TBC1D5: variants seen among roughly 807,000 people sequenced by gnomAD.
TBC1D5 encodes TBC1 domain family, member 5.
A neutral mutation model predicts 100.3 loss-of-function variants in TBC1D5; 75 were observed. The observed-to-expected ratio is 0.75, with a 90% confidence interval of 0.62 to 0.91. TBC1D5 has a LOEUF of 0.91. Among genes scored for constraint, TBC1D5 ranks in the 40% least tolerant of loss-of-function variants. The probability of loss-of-function intolerance (pLI) is 0.00; values close to 1 mark genes in which losing one functional copy is unlikely to be tolerated. For missense variants in TBC1D5, 910 were observed against 942.4 expected (o/e 0.97, Z 0.45); for synonymous variants, 323 against 325.6 (o/e 0.99, Z 0.09).
rs967402076 is a variant in TBC1D5, at chr3:17,213,178, C to T, written c.1752+1029G>A. On this transcript the variant is annotated intron_variant, in intron 18 of 21. Coordinates refer to ENST00000253692, the Ensembl canonical transcript of TBC1D5. ...TTGTGTTATAATTGCCTGCAGTATTCAGTACAGCACCATGCTATACAGGTT... is the reference window on the plus strand; with the variant it reads ...TTGTGTTATAATTGCCTGCAGTATTTAGTACAGCACCATGCTATACAGGTT... Among the ~76,000 whole-genome samples the T allele has an allele frequency of 3.9e-5, 6 of 152,294 alleles. No individual in the cohort carries two copies. In the East Asian group the frequency reaches 1.2e-3, roughly 29 times the overall value.
chr3:17,563,902 C>T (rs1171241570), intron 2 of TBC1D5, among the ~76,000 whole-genome samples: 1 of 152,216 alleles, frequency 6.6e-6, no homozygotes, highest in African/African-American at 2.4e-5. Flanking sequence ...CCTGCCTCAG[C>T]CTCCCGAGTA....
intron 2 of TBC1D5, among the ~76,000 whole-genome samples, chr3:17,602,794 C>G (rs2061063611): frequency 6.6e-6 from 1 of 151,904 alleles, no homozygotes; most frequent in Admixed American, 6.6e-5. Context: ...ACAGGATGGT[C>G]TCGATCTCCT....
chr3:17,458,228 C>T (rs2095130415), intron 3 of TBC1D5, among the ~76,000 whole-genome samples: 1 of 152,108 alleles, frequency 6.6e-6, no homozygotes. Flanking sequence ...GTAGATATTC[C>T]TACCCCTTCC....
intron 2 of TBC1D5, among the ~76,000 whole-genome samples, chr3:17,513,203 G>A (rs918904636): frequency 6.6e-6 from 1 of 151,940 alleles, no homozygotes. Context: ...ATGGTGATGC[G>A]TGCCTGTAGT....
chr3:17,671,722 T>C (rs2067967510), intron 1 of TBC1D5, among the ~76,000 whole-genome samples: 1 of 152,222 alleles, frequency 6.6e-6, no homozygotes, highest in Admixed American at 6.5e-5. Flanking sequence ...AAGGTATGTC[T>C]ATTAATTATA....
At chr3:17,428,327 G>A (rs142620511) in intron 4 of TBC1D5, 123 bp downstream of exon 4, 2 of 273,870 alleles carry the variant, frequency 7.3e-6, no homozygotes, top group Non-Finnish European at 1.3e-5. Flanking sequence ...CACAAGTAGT[G>A]GTTCCTTACT....
intron 1 of TBC1D5, among the ~76,000 whole-genome samples, chr3:17,728,777 A>G (rs2076319069): frequency 6.6e-6 from 1 of 152,168 alleles, no homozygotes; most frequent in African/African-American, 2.4e-5. Flanking sequence ...ATAAAAATGT[A>G]GCATCAATTA....
chr3:17,362,062 A>G (rs2091768693), intron 13 of TBC1D5, among the ~76,000 whole-genome samples: 1 of 152,178 alleles, frequency 6.6e-6, no homozygotes, highest in Non-Finnish European at 1.5e-5. Context: ...TCTTTCCACA[A>G]ATGGTTCTGA....
At chr3:17,640,254 C>T (rs938796394) in intron 1 of TBC1D5, among the ~76,000 whole-genome samples, 19 of 152,184 alleles carry the variant, frequency 1.2e-4, no homozygotes, top group Admixed American at 1.2e-3. Flanking sequence ...AGGAGATAAT[C>T]TCTTTTTATT....
At chr3:17,382,580 A>G (rs1229013669) in intron 9 of TBC1D5, among the ~76,000 whole-genome samples, 1 of 136,216 alleles carries the variant, frequency 7.3e-6, no homozygotes, top group Non-Finnish European at 1.6e-5. Context: ...TTTTTTTTTG[A>G]GACAGGATCT....
intron 13 of TBC1D5, among the ~76,000 whole-genome samples, chr3:17,314,279 A>G (rs1575278525): frequency 6.6e-6 from 1 of 152,204 alleles, no homozygotes; most frequent in South Asian, 2.1e-4. Context: ...TTTTTCCTCA[A>G]GTTAGCTCTT....
At chr3:17,241,714 T>C (rs991178417) in intron 16 of TBC1D5, among the ~76,000 whole-genome samples, 3 of 152,240 alleles carry the variant, frequency 2.0e-5, no homozygotes, top group Non-Finnish European at 4.4e-5. Context: ...TTCTTAACAC[T>C]GGATTCTCTT....
intron 13 of TBC1D5, among the ~76,000 whole-genome samples, chr3:17,364,977 T>G: frequency 6.6e-6 from 1 of 152,202 alleles, no homozygotes; most frequent in East Asian, 1.9e-4. Context: ...ATTTACTTAG[T>G]GATTAGAAAC....
rs534415557 is a variant in TBC1D5, at chr3:17,374,049, G to C, written c.822+422C>G. Among the ~76,000 whole-genome samples the C allele has an allele frequency of 2.0e-5, 3 of 152,152 alleles. No homozygotes were observed. The East Asian group carries it at 5.8e-4, about 29-fold the overall frequency. ...AATATAGTTAAAAATATGAATAAGA[G>C]GAAGAGTAAGAGTAAGGGATATTGA... On this transcript the variant is annotated intron_variant, in intron 12 of 21. Coordinates refer to ENST00000253692, the Ensembl canonical transcript of TBC1D5.
intron 1 of TBC1D5, among the ~76,000 whole-genome samples, chr3:17,628,732 A>G (rs2063265427): frequency 6.6e-6 from 1 of 152,220 alleles, no homozygotes; most frequent in South Asian, 2.1e-4. Context: ...AATTGTTAGG[A>G]TAACTTATAT....
chr3:17,319,513 C>G (rs1422770297), intron 13 of TBC1D5, among the ~76,000 whole-genome samples: 4 of 150,912 alleles, frequency 2.7e-5, no homozygotes, highest in Non-Finnish European at 4.4e-5. Flanking sequence ...AATTTTCCTT[C>G]CCAACCCAAA....
intron 2 of TBC1D5, chr3:17,586,383 C>G (rs1020303083): frequency 1.3e-5 from 2 of 152,022 alleles, no homozygotes; most frequent in Non-Finnish European, 2.9e-5. Context: ...GTCCACAAAT[C>G]CGGTTGACAT....
At chr3:17,356,695 T>G (rs1293289243) in intron 13 of TBC1D5, among the ~76,000 whole-genome samples, 2 of 152,134 alleles carry the variant, frequency 1.3e-5, no homozygotes. Flanking sequence ...TCTGACCAAC[T>G]AGAACAGAGT....
intron 9 of TBC1D5, among the ~76,000 whole-genome samples, chr3:17,376,896 C>T (rs1223546588): frequency 6.6e-6 from 1 of 152,032 alleles, no homozygotes; most frequent in Non-Finnish European, 1.5e-5. Flanking sequence ...TAACCTTGCA[C>T]CTGTCAGTTG....
Sources: allele counts gnomAD v4.1 joint callset (sites outside exome capture counted in the v4.1 genomes callset), GRCh38; gene constraint gnomAD v4.1.1; transcripts MANE v1.5; gene names NCBI Gene and HGNC (gene_info 2026-07-23, HGNC 2026-07-21).